SMO: variants seen among roughly 807,000 people sequenced by gnomAD.
SMO encodes the protein protein smoothened.
SMO carries 40 observed loss-of-function variants against 81.6 expected under a neutral mutation model. The observed-to-expected ratio is 0.49, with a 90% CI of 0.38 to 0.64. The LOEUF is 0.64. Among genes scored for constraint, SMO ranks in the 30% least tolerant of loss-of-function variants. The probability of loss-of-function intolerance (pLI) is 0.00; values close to 1 mark genes in which losing one functional copy is unlikely to be tolerated. For missense variants in SMO, 916 were observed against 1,061.1 expected (o/e 0.86, Z 1.90); for synonymous variants, 434 against 432.1 (o/e 1.00, Z -0.05).
In SMO at chr7:129,211,632, A is replaced by G. The variant is rs1254166221; in HGVS notation, c.1802-4A>G. ...TTCTCCTTTCCTTCCTTCCATTCCC[A>G]CAGCGGGCTTGGCCTTTGACCTCAA... On this transcript the variant is annotated splice_polypyrimidine_tract_variant and splice_region_variant and intron_variant, in intron 10 of 11. Transcript: ENST00000249373. The surrounding 1 kb of genome is among the most constrained non-coding windows in gnomAD (Gnocchi z 4.6). 1 of 1,612,296 alleles carries G rather than the reference A, an allele frequency of 6.2e-7. No individual in the cohort carries two copies. Among genetic ancestry groups the G allele is most frequent in the Admixed American group, 1.7e-5 (1 of 59,932 alleles).
At chr7:129,195,341 A>G (rs1320555634) in intron 1 of SMO, among the ~76,000 whole-genome samples, 2 of 152,202 alleles carry the variant, frequency 1.3e-5, no homozygotes, top group African/African-American at 2.4e-5. Context: ...ATGATTCCCA[A>G]CATTTGGTAT....
intron 1 of SMO, among the ~76,000 whole-genome samples, chr7:129,193,277 C>T (rs761229047): frequency 2.0e-5 from 3 of 152,180 alleles, no homozygotes; most frequent in Admixed American, 1.3e-4. Context: ...GCCCTGTCAC[C>T]TTGCCCACTT....
intron 1 of SMO, among the ~76,000 whole-genome samples, chr7:129,193,785 A>AAAAAAAAAAAG (rs1563145734): frequency 3.8e-5 from 1 of 26,348 alleles, no homozygotes; most frequent in African/African-American, 1.7e-4. Context: ...AAAAAAAAAA[A>AAAAAAAAAAAG]ATATATATAT....
At chr7:129,205,148 A>G (rs1039632545) in intron 2 of SMO, 55 bp from the exon 3 acceptor site, 86 of 1,504,576 alleles carry the variant, frequency 5.7e-5, no homozygotes, top group Admixed American at 1.8e-4. Flanking sequence ...TTCCCTAAAC[A>G]AGAGGCTCGT....
At position 129,209,719 on chromosome 7, in the gene SMO, C is replaced by A. The variant is rs985561929; in HGVS notation, c.1466+322C>A. 3.0e-5 allele frequency: 9 copies of A among 297,270 alleles called. No individual in the cohort carries two copies. The South Asian group carries it at 4.5e-4, about 15-fold the overall frequency. 18.4% of individuals were successfully genotyped at this position (297,270 alleles called of 1,614,324 possible). On this transcript the variant is annotated intron_variant, in intron 8 of 11. Transcript: ENST00000249373. ...TTGCCCTCTAATTCTGTGTGCTCTC[C>A]TGCAGAGCCTGCTTTAGATCCTGGC...
rs190148754 is a variant in SMO at position 129,213,423 on chromosome 7, T to C, written c.*972T>C. On this transcript the variant is annotated 3_prime_UTR_variant, in exon 12 of 12. Coordinates refer to ENST00000249373, the MANE Select transcript of SMO (RefSeq NM_005631.5). ...TGGGTGAGGAGATTCCCACCTTCCATAGCCTCCAAACATGTTCCCAAGGCC... is the reference window on the plus strand; with the variant it reads ...TGGGTGAGGAGATTCCCACCTTCCACAGCCTCCAAACATGTTCCCAAGGCC... 1.1e-4 allele frequency: 26 copies of C among 232,818 alleles called. 1 individual carries two copies. In the Admixed American group the frequency reaches 1.3e-3, roughly 12 times the overall value. 14.4% of individuals were successfully genotyped at this position (232,818 alleles called of 1,614,324 possible).
Position 129,211,674 on chromosome 7 carries a change from G to A in SMO, c.1840G>A (p.Val614Ile), listed in dbSNP as rs2150655594. 6.2e-7 allele frequency: 1 copy of A among 1,613,540 alleles called. No homozygotes were observed. The highest frequency in any genetic ancestry group is 8.5e-7 in the Non-Finnish European group (1 of 1,179,994). ...AFDLNEPSAD[V>I]SSAWAQHVTK... ...TGACCTCAATGAGCCCTCAGCTGAT[G>A]TCTCCTCTGCCTGGGCCCAGCATGT... The change falls in exon 11 of 12, where the codon GTC becomes ATC. Residue 614 changes from valine (V) to isoleucine (I), a missense_variant. Transcript: ENST00000249373. This position sits in a 1 kb window ranked among gnomAD's most constrained non-coding sequence, Gnocchi z 4.6.
Position 129,206,328 on chromosome 7 carries a change from C to T in SMO, c.1099C>T (p.Leu367Phe), listed in dbSNP as rs1793765145. Reference sequence around the variant, plus strand: ...CTACTTCCACCTGCTCACCTGGTCACTCCCCTTTGTCCTCACTGTGGCAAT... The same window carrying T: ...CTACTTCCACCTGCTCACCTGGTCATTCCCCTTTGTCCTCACTGTGGCAAT... ...TSYFHLLTWS[L>F]PFVLTVAILA... is the part of the protein sequence containing the mutation. The change falls in exon 5 of 12, where the codon CTC becomes TTC. Residue 367 changes from leucine to phenylalanine, a missense_variant. Coordinates refer to ENST00000249373, the MANE Select transcript of SMO (RefSeq NM_005631.5). This position sits in a 1 kb window ranked among gnomAD's most constrained non-coding sequence, Gnocchi z 4.4. The T allele has an allele frequency of 1.2e-6, 2 of 1,614,220 alleles. No homozygotes were observed. Among genetic ancestry groups the T allele is most frequent in the Non-Finnish European group, 1.7e-6 (2 of 1,180,036 alleles).
At position 129,211,136 on chromosome 7, in the gene SMO, C is replaced by A. The variant is rs56144682; in HGVS notation, c.1801+23C>A. ...TGGGTGAGCCTCACCCCTCCTCTAC[C>A]GGAGCCGCCTGGCCCCGCGCTGCCC... On this transcript the variant is annotated intron_variant, in intron 10 of 11. Transcript: ENST00000249373. This position sits in a 1 kb window ranked among gnomAD's most constrained non-coding sequence, Gnocchi z 4.6. 1 of 1,589,000 alleles carries A rather than the reference C, an allele frequency of 6.3e-7. No homozygotes were observed.
chr7:129,197,531 G>T (rs1371826332), intron 1 of SMO, among the ~76,000 whole-genome samples: 1 of 152,052 alleles, frequency 6.6e-6, no homozygotes, highest in Non-Finnish European at 1.5e-5. Flanking sequence ...GGGTTCAAGC[G>T]ATTCTCCTGC....
chr7:129,194,025 A>G (rs1410861696), intron 1 of SMO, among the ~76,000 whole-genome samples: 4 of 150,174 alleles, frequency 2.7e-5, no homozygotes, highest in Non-Finnish European at 4.4e-5. Flanking sequence ...GCTTGAACCC[A>G]AGAGGTTGAG....
Position 129,206,195 on chromosome 7 carries a change from C to T in SMO, c.966C>T (p.Tyr322=), listed in dbSNP as rs746016396. 6 of 1,613,628 alleles carry T rather than the reference C, an allele frequency of 3.7e-6. No homozygotes were observed. The highest frequency in any genetic ancestry group is 4.2e-6 in the Non-Finnish European group (5 of 1,179,716). The change falls in exon 5 of 12, where the codon TAC becomes TAT. Residue 322 remains tyrosine, a synonymous_variant. Coordinates refer to ENST00000249373, the MANE Select transcript of SMO (RefSeq NM_005631.5). This position sits in a 1 kb window ranked among gnomAD's most constrained non-coding sequence, Gnocchi z 4.4. ...GCGTCATCATCTTTGTCATCGTGTACTACGCCCTGATGGCTGGTGTGGTTT... is the reference window on the plus strand; with the variant it reads ...GCGTCATCATCTTTGTCATCGTGTATTACGCCCTGATGGCTGGTGTGGTTT... The part of the protein sequence containing the change: ...LSCVIIFVIV[Y]YALMAGVVWF...
chr7:129,196,916 C>G (rs1793589748), intron 1 of SMO, among the ~76,000 whole-genome samples: 1 of 149,240 alleles, frequency 6.7e-6, no homozygotes, highest in African/African-American at 2.5e-5. Flanking sequence ...ACTCAGGAGG[C>G]TGAGGCAGGA....
Position 129,211,148 on chromosome 7 carries a change from G to A in SMO, c.1801+35G>A, listed in dbSNP as rs1793863835. The stretch of plus-strand genomic sequence containing the variant: ...ACCCCTCCTCTACCGGAGCCGCCTG[G>A]CCCCGCGCTGCCCATGTGCTAGTCT... On this transcript the variant is annotated intron_variant, in intron 10 of 11. Transcript: ENST00000249373. The surrounding 1 kb of genome is among the most constrained non-coding windows in gnomAD (Gnocchi z 4.6). 1 of 1,573,864 alleles carries A rather than the reference G, an allele frequency of 6.4e-7. No individual in the cohort carries two copies. The highest frequency in any genetic ancestry group is 8.6e-7 in the Non-Finnish European group (1 of 1,159,720).
intron 1 of SMO, among the ~76,000 whole-genome samples, chr7:129,200,758 A>G (rs1174269534): frequency 6.6e-6 from 1 of 152,168 alleles, no homozygotes; most frequent in East Asian, 1.9e-4. Flanking sequence ...GTTTGTTTTA[A>G]TGAGTCTTGC....
Position 129,208,455 on chromosome 7 carries a change from A to C in SMO, c.1265-304A>C, listed in dbSNP as rs112687809. On this transcript the variant is annotated intron_variant, in intron 6 of 11. Coordinates refer to ENST00000249373, the MANE Select transcript of SMO (RefSeq NM_005631.5). The surrounding 1 kb of genome is among the most constrained non-coding windows in gnomAD (Gnocchi z 5.2). The stretch of plus-strand genomic sequence containing the variant: ...GACAGGGTTCCATCTCAAAAAAAAA[A>C]TTATATGGATAGCGCTGTTCTTGAG... 2.2e-5 allele frequency among the ~76,000 whole-genome samples: 1 copy of C among 45,126 alleles called. No homozygotes were observed. Among genetic ancestry groups the C allele is most frequent in the Non-Finnish European group, 6.4e-5 (1 of 15,540 alleles). The allele number at this position is 45,126 out of a possible 152,430, so 29.6% of individuals were successfully genotyped here.
At chr7:129,196,746 G>A (rs911049522) in intron 1 of SMO, among the ~76,000 whole-genome samples, 5 of 151,604 alleles carry the variant, frequency 3.3e-5, no homozygotes, top group Non-Finnish European at 4.4e-5. Flanking sequence ...GGCTGGGCAC[G>A]GTGGCTCACA....
chr7:129,212,857 G>A lies in SMO; in HGVS notation c.*406G>A, dbSNP rs1793901888. On this transcript the variant is annotated 3_prime_UTR_variant, in exon 12 of 12. Transcript: ENST00000249373. This position sits in a 1 kb window ranked among gnomAD's most constrained non-coding sequence, Gnocchi z 5.0. ...TATGTCTGGCAGATGAGGGCTGGCT[G>A]CCGTTTTCTGGGCTGATGGGTGCCC... is the stretch of plus-strand genomic sequence containing the variant. 3 of 298,250 alleles carry A rather than the reference G, an allele frequency of 1.0e-5. No individual in the cohort carries two copies. The highest frequency in any genetic ancestry group is 1.2e-5 in the Non-Finnish European group (2 of 160,332). The allele number at this position is 298,250 out of a possible 1,614,324, so 18.5% of individuals were successfully genotyped here.
At chr7:129,196,372 G>C (rs893833815) in intron 1 of SMO, among the ~76,000 whole-genome samples, 1 of 150,552 alleles carries the variant, frequency 6.6e-6, no homozygotes, top group Admixed American at 6.6e-5. Context: ...TAGAGACAGG[G>C]TTTGACCCTA....
Sources: allele counts gnomAD v4.1 joint callset (sites outside exome capture counted in the v4.1 genomes callset), GRCh38; gene constraint gnomAD v4.1.1; non-coding constraint Gnocchi (gnomAD v3.1); transcripts MANE v1.5; gene names NCBI Gene and HGNC (gene_info 2026-07-23, HGNC 2026-07-21).